PLAA: variants seen among roughly 807,000 people sequenced by gnomAD.
PLAA encodes phospholipase A2 activating protein, also known as phospholipase A-2-activating protein.
In PLAA, 48 loss-of-function variants were observed where a neutral mutation model predicts 84.1. The observed-to-expected ratio is 0.57, with a 90% CI of 0.45 to 0.73. The LOEUF is 0.73. Ranked by LOEUF, PLAA falls within the 30% of genes least tolerant of loss-of-function variation. The probability of loss-of-function intolerance (pLI) is 0.00; values close to 1 mark genes in which losing one functional copy is unlikely to be tolerated. For missense variants in PLAA, 903 were observed against 954.7 expected (o/e 0.95, Z 0.71); for synonymous variants, 392 against 336.6 (o/e 1.16, Z -1.80).
chr9:26,903,696 A>G lies in PLAA; in HGVS notation c.*1815T>C, dbSNP rs1824147599. 6.6e-6 allele frequency among the ~76,000 whole-genome samples: 1 copy of G among 152,158 alleles called. No homozygotes were observed. Among genetic ancestry groups the G allele is most frequent in the South Asian group, 2.1e-4 (1 of 4,818 alleles). ...ATTAAATTATTTAACATATCCTTCA[A>G]GTGAGATTGTTTCCTTTTGCTAAGC... On this transcript the variant is annotated 3_prime_UTR_variant, in exon 14 of 14. Coordinates refer to ENST00000397292, the MANE Select transcript of PLAA (RefSeq NM_001031689.3).
At chr9:26,914,282 C>T (rs114209108) in intron 10 of PLAA, among the ~76,000 whole-genome samples, 1,861 of 152,128 alleles carry the variant, frequency 0.012, 34 homozygotes, top group African/African-American at 0.042. Flanking sequence ...CTAACTAGCA[C>T]ATAAGACAAT....
chr9:26,936,238 G>GC (rs1190217122), intron 1 of PLAA, among the ~76,000 whole-genome samples: 1 of 149,908 alleles, frequency 6.7e-6, no homozygotes, highest in Non-Finnish European at 1.5e-5. Context: ...AACCCACAAG[G>GC]CCAAGGAGAA....
intron 1 of PLAA, among the ~76,000 whole-genome samples, chr9:26,936,147 A>T (rs966212761): frequency 1.3e-5 from 2 of 152,166 alleles, no homozygotes; most frequent in Admixed American, 6.5e-5. Flanking sequence ...TAAAGACTAA[A>T]CAAACTCATC....
chr9:26,938,902 G>C (rs1006097655), intron 1 of PLAA, among the ~76,000 whole-genome samples: 2 of 152,152 alleles, frequency 1.3e-5, no homozygotes, highest in African/African-American at 2.4e-5. Context: ...AGTACATACA[G>C]ATGTAATTCT....
chr9:26,933,007 G>A (rs1354842797), intron 2 of PLAA, among the ~76,000 whole-genome samples: 1 of 151,890 alleles, frequency 6.6e-6, no homozygotes, highest in African/African-American at 2.4e-5. Flanking sequence ...CGGTGGCTCA[G>A]GCCTGTAATC....
intron 5 of PLAA, 122 bp from the exon 6 acceptor site, chr9:26,926,082 T>G (rs1191671163): frequency 4.0e-6 from 3 of 749,644 alleles, no homozygotes; most frequent in Non-Finnish European, 6.4e-6. Flanking sequence ...AGTTTTAAAT[T>G]TCATATGTTT....
chr9:26,906,141 T>A, intron 13 of PLAA, 65 bp from the exon 14 acceptor site: 1 of 1,063,902 alleles, frequency 9.4e-7, no homozygotes, highest in Non-Finnish European at 1.3e-6. Flanking sequence ...ACTATCGACT[T>A]TGAAGGATTT....
Position 26,923,259 on chromosome 9 carries a change from C to T in PLAA, c.958G>A (p.Ala320Thr), listed in dbSNP as rs376535885. The T allele has an allele frequency of 2.4e-5, 38 of 1,613,554 alleles. No homozygotes were observed. In the South Asian group the frequency reaches 2.5e-4, roughly 11 times the overall value. The change falls in exon 7 of 14, where the codon GCA becomes ACA. Residue 320 changes from alanine (A) to threonine (T), a missense_variant. Transcript: ENST00000397292. ...IKAFEKELSHATIDSKTGDLG... is the reference protein window; with the variant it reads ...IKAFEKELSHTTIDSKTGDLG... The stretch of plus-strand genomic sequence containing the variant: ...TCGCCAGTTTTAGAATCAATGGTTG[C>T]GTGAGACAGTTCTTTTTCAAAAGCC...
At chr9:26,916,489 G>A (rs1824563417) in intron 10 of PLAA, 1 of 986,812 alleles carries the variant, frequency 1.0e-6, no homozygotes, top group South Asian at 4.7e-5. Flanking sequence ...AGGGCTTCAA[G>A]AAGGACATTA....
Position 26,925,841 on chromosome 9 carries a change from T to C in PLAA, c.853A>G (p.Ile285Val), listed in dbSNP as rs1177592867. Reference sequence around the variant, plus strand: ...TATAAATACCTCGCACCAACCACAATGTCACCATTGTCGAGCACACAGCAG... The same window carrying C: ...TATAAATACCTCGCACCAACCACAACGTCACCATTGTCGAGCACACAGCAG... ...WCCCVLDNGD[I>V]VVGASDGIIR... Residue 285 changes from isoleucine (I) to valine (V), a missense_variant, in exon 6 of 14, where the codon ATT (isoleucine) becomes GTT (valine). Transcript: ENST00000397292. The C allele has an allele frequency of 3.1e-6, 5 of 1,613,882 alleles. No individual in the cohort carries two copies. Among genetic ancestry groups the C allele is most frequent in the Non-Finnish European group, 3.4e-6 (4 of 1,179,966 alleles).
intron 12 of PLAA, 52 bp downstream of exon 12, chr9:26,910,286 G>A (rs887921028): frequency 1.9e-5 from 25 of 1,317,274 alleles, no homozygotes; most frequent in Non-Finnish European, 2.7e-5. Context: ...CAACCTTGAT[G>A]ACATCTCAAA....
Position 26,925,770 on chromosome 9 carries a change from T to A in PLAA, c.869+55A>T. 4 of 1,512,654 alleles carry A rather than the reference T, an allele frequency of 2.6e-6. No homozygotes were observed. In the South Asian group the frequency reaches 4.6e-5, roughly 17 times the overall value. 93.7% of individuals were successfully genotyped at this position (1,512,654 alleles called of 1,614,324 possible). ...TATGGCTTATCTCTGTACACTCTAG[T>A]TCCTACTGAAGGCCTAGACATATAA... On this transcript the variant is annotated intron_variant, in intron 6 of 13. Coordinates refer to ENST00000397292, the MANE Select transcript of PLAA (RefSeq NM_001031689.3).
At chr9:26,937,064 C>A (rs1440205718) in intron 1 of PLAA, among the ~76,000 whole-genome samples, 1 of 151,956 alleles carries the variant, frequency 6.6e-6, no homozygotes, top group African/African-American at 2.4e-5. Context: ...TCGCTTGAAC[C>A]CGGGAGGAGA....
chr9:26,943,935 C>T lies in PLAA; in HGVS notation c.149+2962G>A, dbSNP rs184798862. On this transcript the variant is annotated intron_variant, in intron 1 of 13. Coordinates refer to ENST00000397292, the MANE Select transcript of PLAA (RefSeq NM_001031689.3). The stretch of plus-strand genomic sequence containing the variant: ...TGCCATTGCATTCCAGCCTGGGCAA[C>T]AAAGCAAGACCCTGTGTCAAAAAAA... Among the ~76,000 whole-genome samples, 384 of 152,212 alleles carry T rather than the reference C, an allele frequency of 2.5e-3. 3 individuals are homozygous for T. The highest frequency in any genetic ancestry group is 9.0e-3 in the African/African-American group (372 of 41,524).
chr9:26,945,493 C>T (rs995115558), intron 1 of PLAA, among the ~76,000 whole-genome samples: 4 of 152,162 alleles, frequency 2.6e-5, no homozygotes, highest in Admixed American at 1.3e-4. Flanking sequence ...CAATTCAATA[C>T]AGGAATTTGC....
At chr9:26,916,639 G>A (rs952483128) in intron 10 of PLAA, 83 of 989,550 alleles carry the variant, frequency 8.4e-5, no homozygotes, top group South Asian at 1.4e-4. Context: ...TTCTCTGCTC[G>A]TGATTGGTAG....
chr9:26,922,724 T>C (rs1036615749), intron 7 of PLAA, among the ~76,000 whole-genome samples: 1 of 151,452 alleles, frequency 6.6e-6, no homozygotes, highest in Non-Finnish European at 1.5e-5. Flanking sequence ...TGGAATGCAA[T>C]GGTGTGGTGT....
chr9:26,909,364 C>T (rs571778376), intron 12 of PLAA, among the ~76,000 whole-genome samples: 9 of 152,182 alleles, frequency 5.9e-5, no homozygotes, highest in Non-Finnish European at 7.4e-5. Context: ...GCATATACTA[C>T]ATTATTCAAA....
chr9:26,928,560 C>T (rs984552222), intron 2 of PLAA, 152 bp from the exon 3 acceptor site: 5 of 662,104 alleles, frequency 7.6e-6, no homozygotes, highest in African/African-American at 1.8e-5. Flanking sequence ...CATAAGAGTA[C>T]AGTGGTCAAG....
Sources: allele counts gnomAD v4.1 joint callset (sites outside exome capture counted in the v4.1 genomes callset), GRCh38; gene constraint gnomAD v4.1.1; transcripts MANE v1.5; gene names NCBI Gene and HGNC (gene_info 2026-07-23, HGNC 2026-07-21).